The following RGS7 variants were observed in gnomAD, a reference collection of about 807,000 sequenced individuals.
RGS7 encodes the protein regulator of G protein signaling 7.
Under a neutral mutation model 81.1 loss-of-function variants are expected in RGS7, and 27 were observed. The observed-to-expected ratio is 0.33, with a 90% CI of 0.25 to 0.46. The LOEUF (loss-of-function observed/expected upper bound fraction) is 0.46. Among genes scored for constraint, RGS7 ranks in the 20% least tolerant of loss-of-function variants. The probability of loss-of-function intolerance (pLI) is 1.00; values close to 1 mark genes in which losing one functional copy is unlikely to be tolerated. For synonymous variants in RGS7, 208 were observed against 207.7 expected, an observed-to-expected ratio of 1.00 and a Z score of -0.01; for missense variants, 396 against 607.4, an observed-to-expected ratio of 0.65 and a Z score of 3.66.
intron 2 of RGS7, among the ~76,000 whole-genome samples, chr1:241,147,783 TATATATATATATATATATATA>T (rs2068435820): frequency 5.5e-5 from 5 of 90,584 alleles, no homozygotes; most frequent in Non-Finnish European, 8.2e-5. Context: ...TTAAGTTTTA[TATATATATATATATATATATA>T]TATATATATA....
rs530731251 is a variant in RGS7, at chr1:240,884,425, A to G, written c.386-14306T>C. Reference sequence around the variant, plus strand: ...AGCGTTCAAGGTAACTTTATAAAACATTGCTACTCTGGATAAGAAGAATCA... The same window carrying G: ...AGCGTTCAAGGTAACTTTATAAAACGTTGCTACTCTGGATAAGAAGAATCA... On this transcript the variant is annotated intron_variant, in intron 6 of 18. Transcript: ENST00000440928. Among the ~76,000 whole-genome samples the G allele has an allele frequency of 2.6e-5, 4 of 152,202 alleles. No individual in the cohort carries two copies. The South Asian group carries it at 8.3e-4, about 31-fold the overall frequency.
chr1:241,118,679 G>A (rs2066036704), intron 2 of RGS7, among the ~76,000 whole-genome samples: 1 of 151,792 alleles, frequency 6.6e-6, no homozygotes, highest in Non-Finnish European at 1.5e-5. Context: ...AAGAAAACAT[G>A]GTATATAAAC....
intron 2 of RGS7, among the ~76,000 whole-genome samples, chr1:241,241,787 G>A (rs2076270792): frequency 6.6e-6 from 1 of 152,102 alleles, no homozygotes; most frequent in Non-Finnish European, 1.5e-5. Context: ...ATGTTTCTAT[G>A]AGGCCTTTTC....
chr1:241,110,153 CA>C (rs1224590925), intron 2 of RGS7, among the ~76,000 whole-genome samples: 51 of 152,270 alleles, frequency 3.3e-4, no homozygotes, highest in African/African-American at 1.2e-3. Flanking sequence ...AGTCTACCTC[CA>C]AATTATCTCT....
chr1:240,811,082 C>T (rs781090377), intron 14 of RGS7, among the ~76,000 whole-genome samples: 2 of 152,124 alleles, frequency 1.3e-5, no homozygotes, highest in Admixed American at 6.5e-5. Context: ...GGCACTACTT[C>T]GTTCCAATGA....
chr1:240,780,422 A>G (rs888949234), intron 18 of RGS7, among the ~76,000 whole-genome samples: 5 of 141,304 alleles, frequency 3.5e-5, no homozygotes, highest in Non-Finnish European at 7.6e-5. Flanking sequence ...CCTGGGCTAC[A>G]GAGTGAGACT....
intron 9 of RGS7, among the ~76,000 whole-genome samples, chr1:240,841,121 T>C (rs1413540807): frequency 6.6e-6 from 1 of 152,218 alleles, no homozygotes; most frequent in Non-Finnish European, 1.5e-5. Context: ...TTAGCTCAAA[T>C]GTTCTTTTCC....
At chr1:240,973,824 T>C (rs1683652640) in intron 4 of RGS7, among the ~76,000 whole-genome samples, 1 of 151,806 alleles carries the variant, frequency 6.6e-6, no homozygotes, top group Non-Finnish European at 1.5e-5. Flanking sequence ...TTGTGATCCA[T>C]CCGCCTCGGC....
intron 2 of RGS7, among the ~76,000 whole-genome samples, chr1:241,317,398 T>C (rs188796786): frequency 6.6e-6 from 1 of 152,340 alleles, no homozygotes; most frequent in Non-Finnish European, 1.5e-5. Flanking sequence ...CAGCACACCA[T>C]TGTAGCTTGG....
intron 3 of RGS7, among the ~76,000 whole-genome samples, chr1:240,984,595 T>C (rs1248259803): frequency 7.9e-5 from 12 of 152,214 alleles, no homozygotes; most frequent in Non-Finnish European, 1.8e-4. Context: ...AACTCTTTTC[T>C]ACACAAAATA....
chr1:240,839,518 A>G (rs1222905520), intron 9 of RGS7, among the ~76,000 whole-genome samples: 1 of 152,212 alleles, frequency 6.6e-6, no homozygotes, highest in African/African-American at 2.4e-5. Flanking sequence ...CAGTACATAC[A>G]TATCATAGAA....
chr1:240,850,197 G>C (rs1175104040), intron 9 of RGS7, among the ~76,000 whole-genome samples: 1 of 152,090 alleles, frequency 6.6e-6, no homozygotes, highest in African/African-American at 2.4e-5. Context: ...TTTTTGTTTT[G>C]TTCTTTTTGC....
chr1:240,993,328 C>T (rs1686799807), intron 3 of RGS7, among the ~76,000 whole-genome samples: 1 of 152,080 alleles, frequency 6.6e-6, no homozygotes, highest in South Asian at 2.1e-4. Context: ...AGGGCCTGAG[C>T]CATTTTACAT....
intron 2 of RGS7, among the ~76,000 whole-genome samples, chr1:241,244,997 A>AC (rs1237805698): frequency 6.6e-6 from 1 of 150,974 alleles, no homozygotes; most frequent in Non-Finnish European, 1.5e-5. Flanking sequence ...TAGGAGATAT[A>AC]CCTAATGTTA....
At chr1:241,027,225 G>GA (rs146896003) in intron 3 of RGS7, among the ~76,000 whole-genome samples, 27 of 144,008 alleles carry the variant, frequency 1.9e-4, no homozygotes, top group East Asian at 6.1e-4. Flanking sequence ...AAGAAAAGAA[G>GA]AAAAAAAAAA....
At chr1:241,157,105 T>C (rs1331424472) in intron 2 of RGS7, among the ~76,000 whole-genome samples, 1 of 151,846 alleles carries the variant, frequency 6.6e-6, no homozygotes, top group Admixed American at 6.6e-5. Context: ...TTCCACTTTC[T>C]CCAGTTGTCT....
intron 2 of RGS7, among the ~76,000 whole-genome samples, chr1:241,319,869 G>A (rs1377144314): frequency 6.6e-6 from 1 of 152,096 alleles, no homozygotes; most frequent in Non-Finnish European, 1.5e-5. Context: ...GAGGCGGGCA[G>A]ATCACGAGGT....
At chr1:241,226,994 T>G (rs2075345772) in intron 2 of RGS7, among the ~76,000 whole-genome samples, 1 of 152,202 alleles carries the variant, frequency 6.6e-6, no homozygotes, top group African/African-American at 2.4e-5. Context: ...TAAAAATATG[T>G]GTGGTTTTTG....
intron 3 of RGS7, among the ~76,000 whole-genome samples, chr1:241,016,937 G>C (rs1204176103): frequency 2.0e-5 from 3 of 152,034 alleles, no homozygotes; most frequent in South Asian, 2.1e-4. Context: ...TGATTTACCT[G>C]AGCATTTTAT....
Sources: allele counts gnomAD v4.1 joint callset (sites outside exome capture counted in the v4.1 genomes callset), GRCh38; gene constraint gnomAD v4.1.1; transcripts MANE v1.5; gene names NCBI Gene and HGNC (gene_info 2026-07-23, HGNC 2026-07-21).